Variants in NCOA1 observed in about 807,000 individuals in gnomAD.
NCOA1 encodes the protein Hin-2 protein.
NCOA1 carries 35 observed loss-of-function variants against 150.9 expected under a neutral mutation model. The observed-to-expected ratio is 0.23, with a 90% CI of 0.18 to 0.31. The LOEUF is 0.31. NCOA1 is among the 10% of genes least tolerant of loss of function. The pLI is 1.00. For missense variants in NCOA1, 1,491 were observed against 1,749.3 expected (o/e 0.85, Z 2.63); for synonymous variants, 590 against 630.0 (o/e 0.94, Z 0.95).
chr2:24,534,558 A>G (rs1010121875), intron 1 of NCOA1, among the ~76,000 whole-genome samples: 4 of 151,920 alleles, frequency 2.6e-5, no homozygotes, highest in African/African-American at 9.7e-5. Context: ...TCAATTTTAG[A>G]TCTTTCCTGC....
At chr2:24,577,700 A>G (rs1369850959) in intron 2 of NCOA1, among the ~76,000 whole-genome samples, 3 of 152,196 alleles carry the variant, frequency 2.0e-5, no homozygotes, top group Non-Finnish European at 4.4e-5. Context: ...CACTTGGGTG[A>G]TAGTACTTTG....
At chr2:24,740,438 A>G (rs1663547485) in intron 18 of NCOA1, among the ~76,000 whole-genome samples, 1 of 152,200 alleles carries the variant, frequency 6.6e-6, no homozygotes, top group Admixed American at 6.5e-5. Context: ...ATGTTACTCT[A>G]CTGAATACTG....
At chr2:24,656,214 G>A (rs1445479928) in intron 4 of NCOA1, among the ~76,000 whole-genome samples, 4 of 152,118 alleles carry the variant, frequency 2.6e-5, no homozygotes, top group Non-Finnish European at 5.9e-5. Context: ...AAGGAAATAG[G>A]TTTATAGAGA....
intron 6 of NCOA1, among the ~76,000 whole-genome samples, chr2:24,668,679 A>G (rs1234831188): frequency 6.6e-6 from 1 of 152,172 alleles, no homozygotes. Context: ...CAGGGAAACC[A>G]TGGAATCTTA....
At chr2:24,749,160 C>T (rs1232856693) in intron 19 of NCOA1, among the ~76,000 whole-genome samples, 1 of 152,174 alleles carries the variant, frequency 6.6e-6, no homozygotes, top group African/African-American at 2.4e-5. Context: ...GTTACTTTCC[C>T]ATCTGAAACA....
At chr2:24,686,079 G>T (rs1672389459) in intron 8 of NCOA1, among the ~76,000 whole-genome samples, 1 of 152,142 alleles carries the variant, frequency 6.6e-6, no homozygotes, top group Non-Finnish European at 1.5e-5. Context: ...TCAGCTCACT[G>T]CAACCTCCGC....
At chr2:24,693,454 T>C (rs918220466) in intron 10 of NCOA1, 107 bp downstream of exon 10, 2 of 946,706 alleles carry the variant, frequency 2.1e-6, no homozygotes, top group African/African-American at 3.3e-5. Flanking sequence ...ATTTAGGCTT[T>C]GCTCCCTAGT....
chr2:24,658,523 T>G (rs1671043224), intron 4 of NCOA1, 138 bp from the exon 5 acceptor site: 1 of 607,674 alleles, frequency 1.6e-6, no homozygotes, highest in African/African-American at 1.9e-5. Context: ...ATCTTCATGT[T>G]TTTATGATGG....
At chr2:24,713,531 A>T (rs561920678) in intron 14 of NCOA1, among the ~76,000 whole-genome samples, 32 of 152,350 alleles carry the variant, frequency 2.1e-4, no homozygotes, top group Non-Finnish European at 3.2e-4. Context: ...ACTAGAAGAC[A>T]TTTATGATTT....
chr2:24,679,402 A>G (rs1487023079), intron 7 of NCOA1, among the ~76,000 whole-genome samples: 1 of 152,224 alleles, frequency 6.6e-6, no homozygotes, highest in African/African-American at 2.4e-5. Flanking sequence ...TTCTATATTC[A>G]TAGGAATAGT....
At chr2:24,613,329 C>T (rs915478332) in intron 3 of NCOA1, among the ~76,000 whole-genome samples, 2 of 152,190 alleles carry the variant, frequency 1.3e-5, no homozygotes, top group African/African-American at 4.8e-5. Flanking sequence ...CTCTCTGTTG[C>T]CTCAGGCATT....
chr2:24,662,096 C>T (rs984240246), intron 5 of NCOA1, among the ~76,000 whole-genome samples: 3 of 152,120 alleles, frequency 2.0e-5, no homozygotes, highest in East Asian at 3.9e-4. Context: ...AATTTTGAAA[C>T]TGAGTTTATG....
rs773540344 is a variant in NCOA1 at position 24,514,210 on chromosome 2, C to T, written c.-396+22608C>T. ...GGCTGAGGTGGGAGAATCTTGAACC[C>T]GGGAGGTGGAGGTTGCAGTGAGCTG... On this transcript the variant is annotated intron_variant, in intron 1 of 22. Coordinates refer to ENST00000348332, the MANE Select transcript of NCOA1 (RefSeq NM_003743.5). Among the ~76,000 whole-genome samples the T allele has an allele frequency of 9.5e-5, 13 of 137,206 alleles. No individual in the cohort carries two copies. The South Asian group carries it at 1.4e-3, about 15-fold the overall frequency. The allele number at this position is 137,206 out of a possible 152,430, so 90.0% of individuals were successfully genotyped here.
Position 24,768,897 on chromosome 2 carries a change from A to C in NCOA1, c.*506A>C, listed in dbSNP as rs566814884. ...CCAATCCCAGGCAGCTTGTGTGTAC[A>C]ATCAGCTTCTCTAGCAACTCTGTAT... is the stretch of plus-strand genomic sequence containing the variant. On this transcript the variant is annotated 3_prime_UTR_variant, in exon 23 of 23. Transcript: ENST00000348332. 5 of 221,612 alleles carry C rather than the reference A, an allele frequency of 2.3e-5. No individual in the cohort carries two copies. In the South Asian group the frequency reaches 9.2e-4, roughly 41 times the overall value. The allele number at this position is 221,612 out of a possible 1,614,324, so 13.7% of individuals were successfully genotyped here. A position where few individuals can be genotyped will look rare whatever the true frequency, so the allele number is the denominator to read the frequency against.
intron 3 of NCOA1, among the ~76,000 whole-genome samples, chr2:24,620,825 C>G (rs1669113664): frequency 6.6e-6 from 1 of 151,986 alleles, no homozygotes; most frequent in Non-Finnish European, 1.5e-5. Context: ...AATATTGTAG[C>G]TTATATATAA....
At chr2:24,621,410 T>A (rs1309946579) in intron 3 of NCOA1, among the ~76,000 whole-genome samples, 2 of 48,808 alleles carry the variant, frequency 4.1e-5, no homozygotes. Context: ...TCATTTTTTG[T>A]GTTATGTGTG....
At chr2:24,679,719 T>C (rs533624254) in intron 7 of NCOA1, among the ~76,000 whole-genome samples, 113 of 152,286 alleles carry the variant, frequency 7.4e-4, no homozygotes, top group African/African-American at 2.7e-3. Context: ...CCAATTTAGA[T>C]ATGAGTGTAC....
chr2:24,666,682 G>A (rs1671445847), intron 6 of NCOA1, among the ~76,000 whole-genome samples: 1 of 151,354 alleles, frequency 6.6e-6, no homozygotes, highest in African/African-American at 2.4e-5. Flanking sequence ...TCACAGGCTG[G>A]AGTGCAGTGG....
intron 1 of NCOA1, among the ~76,000 whole-genome samples, chr2:24,541,038 A>G (rs966006901): frequency 2.0e-5 from 3 of 152,160 alleles, no homozygotes; most frequent in Admixed American, 2.0e-4. Flanking sequence ...TGAGATTGAG[A>G]TGCTTGTGAG....
Sources: allele counts gnomAD v4.1 joint callset (sites outside exome capture counted in the v4.1 genomes callset), GRCh38; gene constraint gnomAD v4.1.1; transcripts MANE v1.5; gene names NCBI Gene and HGNC (gene_info 2026-07-23, HGNC 2026-07-21).